Variants in TSPAN18 observed in about 807,000 individuals in gnomAD.
TSPAN18 encodes tetraspanin-18.
In TSPAN18, 14 loss-of-function variants were observed where a neutral mutation model predicts 27.3. The observed-to-expected ratio is 0.51, with a 90% CI of 0.34 to 0.80. TSPAN18 has a LOEUF of 0.80. Ranked by LOEUF, TSPAN18 falls within the 30% of genes least tolerant of loss-of-function variation. The pLI is 0.01. For synonymous variants in TSPAN18, 143 were observed against 136.5 expected (o/e 1.05, Z -0.33); for missense variants, 268 against 323.9 (o/e 0.83, Z 1.32).
intron 5 of TSPAN18, 64 bp downstream of exon 5, chr11:44,909,963 A>G (rs1346892903): frequency 8.5e-5 from 130 of 1,521,628 alleles, no homozygotes; most frequent in Non-Finnish European, 1.1e-4. Context: ...TTGGCTGCAG[A>G]CTCCCAGGCC....
At chr11:44,782,725 G>A (rs546214579) in intron 2 of TSPAN18, among the ~76,000 whole-genome samples, 9 of 152,210 alleles carry the variant, frequency 5.9e-5, no homozygotes, top group East Asian at 1.9e-4. Flanking sequence ...TAACGGTATC[G>A]CATTCTGGTT....
intron 3 of TSPAN18, among the ~76,000 whole-genome samples, chr11:44,860,775 G>A (rs1489759774): frequency 6.6e-6 from 1 of 152,184 alleles, no homozygotes; most frequent in African/African-American, 2.4e-5. Context: ...TGCCCCTCAA[G>A]CTCAACTGGG....
rs6144332 is a variant in TSPAN18 at position 44,908,830 on chromosome 11, A to AGG, written c.64-875_64-874insGG. On this transcript the variant is annotated intron_variant, in intron 4 of 9. Transcript: ENST00000520358. ...AAGAAAGAAAGAAAGAAAGAAAGAA[A>AGG]AAGAAAAATGGAGCAGATATTTATT... is the stretch of plus-strand genomic sequence containing the variant. Among the ~76,000 whole-genome samples, 56 of 127,184 alleles carry AGG rather than the reference A, an allele frequency of 4.4e-4. 5 individuals are homozygous for AGG. The highest frequency in any genetic ancestry group is 1.7e-3 in the African/African-American group (53 of 30,846). 83.4% of individuals were successfully genotyped at this position (127,184 alleles called of 152,430 possible).
intron 1 of TSPAN18, among the ~76,000 whole-genome samples, chr11:44,746,129 G>T (rs1048090481): frequency 4.6e-5 from 7 of 152,234 alleles, no homozygotes; most frequent in Admixed American, 2.0e-4. Context: ...CACATGGCAT[G>T]GTCTGGTGGC....
intron 2 of TSPAN18, among the ~76,000 whole-genome samples, chr11:44,846,594 G>C (rs1565174920): frequency 6.6e-6 from 1 of 151,932 alleles, no homozygotes; most frequent in Non-Finnish European, 1.5e-5. Context: ...GAGGCTGTCT[G>C]TGTGTGTGTG....
At chr11:44,907,374 A>G (rs111374368) in intron 4 of TSPAN18, among the ~76,000 whole-genome samples, 2 of 152,340 alleles carry the variant, frequency 1.3e-5, no homozygotes, top group African/African-American at 4.8e-5. Flanking sequence ...CATGTCCTTC[A>G]GGGCAGGCTC....
chr11:44,788,300 G>A (rs888031463), intron 2 of TSPAN18, among the ~76,000 whole-genome samples: 23 of 152,214 alleles, frequency 1.5e-4, no homozygotes, highest in Admixed American at 6.5e-4. Flanking sequence ...GTCTACGTGC[G>A]CTGTCCAATA....
At chr11:44,855,155 T>C (rs1857702514) in intron 2 of TSPAN18, among the ~76,000 whole-genome samples, 1 of 152,190 alleles carries the variant, frequency 6.6e-6, no homozygotes, top group South Asian at 2.1e-4. Context: ...GAAGGTTTTT[T>C]TTTTCATTAA....
intron 1 of TSPAN18, among the ~76,000 whole-genome samples, chr11:44,733,446 C>A (rs1043110744): frequency 1.3e-5 from 2 of 152,076 alleles, no homozygotes; most frequent in Non-Finnish European, 2.9e-5. Flanking sequence ...TAAGCCAGGC[C>A]CTGGATCTTC....
chr11:44,730,758 G>T (rs989162509), intron 1 of TSPAN18, among the ~76,000 whole-genome samples: 3 of 152,140 alleles, frequency 2.0e-5, no homozygotes, highest in African/African-American at 4.8e-5. Context: ...CAAGTAGCTG[G>T]GATTACAGGT....
chr11:44,804,194 C>T (rs954130184), intron 2 of TSPAN18, among the ~76,000 whole-genome samples: 1 of 152,204 alleles, frequency 6.6e-6, no homozygotes, highest in African/African-American at 2.4e-5. Context: ...ACCTCCACCT[C>T]CCGGGTTCAA....
chr11:44,859,362 C>T (rs1273474719), intron 2 of TSPAN18, among the ~76,000 whole-genome samples: 2 of 152,202 alleles, frequency 1.3e-5, no homozygotes, highest in African/African-American at 2.4e-5. Flanking sequence ...TTCTAGACGC[C>T]AAATGCTCCT....
intron 5 of TSPAN18, among the ~76,000 whole-genome samples, chr11:44,917,383 T>C (rs955538848): frequency 6.6e-6 from 1 of 152,266 alleles, no homozygotes; most frequent in Admixed American, 6.5e-5. Context: ...AGCAGAAGAC[T>C]GTGTTAGATA....
chr11:44,834,030 T>C (rs1032146868), intron 2 of TSPAN18, among the ~76,000 whole-genome samples: 2 of 151,634 alleles, frequency 1.3e-5, no homozygotes, highest in Non-Finnish European at 2.9e-5. Context: ...TTACTGCTGC[T>C]CACTGCCCAG....
chr11:44,905,607 G>C (rs1859425714), intron 3 of TSPAN18, among the ~76,000 whole-genome samples: 1 of 152,264 alleles, frequency 6.6e-6, no homozygotes, highest in Non-Finnish European at 1.5e-5. Context: ...GATGCTGTCA[G>C]TTTCCCCTGG....
chr11:44,773,989 C>T (rs1370102468), intron 2 of TSPAN18, among the ~76,000 whole-genome samples: 3 of 152,182 alleles, frequency 2.0e-5, no homozygotes, highest in Non-Finnish European at 4.4e-5. Context: ...CTCAGTCGGA[C>T]TCCCACCCTC....
At chr11:44,884,561 C>T (rs544137814) in intron 3 of TSPAN18, among the ~76,000 whole-genome samples, 1 of 152,342 alleles carries the variant, frequency 6.6e-6, no homozygotes, top group East Asian at 1.9e-4. Context: ...CCACTCGGGG[C>T]TTTGGCTAAA....
chr11:44,737,370 A>G (rs1001816515), intron 1 of TSPAN18, among the ~76,000 whole-genome samples: 6 of 152,102 alleles, frequency 3.9e-5, no homozygotes, highest in Admixed American at 2.6e-4. Context: ...TGGGAAGATC[A>G]CTTTCAGAAT....
At chr11:44,823,409 G>T (rs888186668) in intron 2 of TSPAN18, among the ~76,000 whole-genome samples, 4 of 152,216 alleles carry the variant, frequency 2.6e-5, no homozygotes, top group African/African-American at 9.7e-5. Flanking sequence ...AAGTCGGGTG[G>T]TTTCTCTCCT....
Sources: gnomAD v4.1 joint callset for allele counts (sites outside exome capture counted in the v4.1 genomes callset) on GRCh38, gnomAD v4.1.1 for gene constraint, MANE v1.5 for transcripts, NCBI Gene and HGNC (gene_info 2026-07-23, HGNC 2026-07-21) for gene names.